The following ATP10B variants were observed in gnomAD, a reference collection of about 807,000 sequenced individuals.
ATP10B encodes ATPase phospholipid transporting 10B (putative).
A neutral mutation model predicts 141.2 loss-of-function variants in ATP10B; 122 were observed. The observed-to-expected ratio is 0.86, with a 90% CI of 0.75 to 1.00. The LOEUF (loss-of-function observed/expected upper bound fraction) is 1.00. ATP10B is among the 50% of genes least tolerant of loss of function. The pLI is 0.00. For missense variants in ATP10B, 1,876 were observed against 1,825.3 expected (o/e 1.03, Z -0.51); for synonymous variants, 685 against 692.0 (o/e 0.99, Z 0.16).
chr5:160,612,866 G>T lies in ATP10B; in HGVS notation c.2713C>A (p.Arg905=), dbSNP rs760610785. The T allele has an allele frequency of 5.0e-6, 8 of 1,613,846 alleles. No individual in the cohort carries two copies. The highest frequency in any genetic ancestry group is 6.8e-6 in the Non-Finnish European group (8 of 1,179,952). ...ACCCAGAGCTGGATCCCAGCCTCCCGCAGAGTGGCAATCGTATCTGGAACT... is the reference window on the plus strand; with the variant it reads ...ACCCAGAGCTGGATCCCAGCCTCCCTCAGAGTGGCAATCGTATCTGGAACT... The part of the protein sequence containing the change: ...EGVPDTIATL[R]EAGIQLWVLT... The change falls in exon 18 of 26, where the codon CGG becomes AGG. Residue 905 remains arginine (R), a synonymous_variant. Transcript: ENST00000327245.
chr5:160,865,992 G>T, the ATP10B span, among the ~76,000 whole-genome samples: 8 of 152,154 alleles, frequency 5.3e-5, no homozygotes, highest in Non-Finnish European at 8.8e-5. Context: ...AACCACTATG[G>T]ATAACAATAT....
chr5:160,902,076 G>T, the ATP10B span, among the ~76,000 whole-genome samples: 8 of 152,138 alleles, frequency 5.3e-5, no homozygotes, highest in South Asian at 1.7e-3. Context: ...TGGAGGAAAG[G>T]TATGAGGTCA....
At chr5:160,740,481 CT>C (rs1413772440) in intron 2 of ATP10B, among the ~76,000 whole-genome samples, 2 of 152,184 alleles carry the variant, frequency 1.3e-5, no homozygotes, top group African/African-American at 4.8e-5. Flanking sequence ...GCTATAACCT[CT>C]GCTTATCGGC....
At chr5:160,801,207 A>G (rs1263905419) in intron 1 of ATP10B, among the ~76,000 whole-genome samples, 1 of 152,168 alleles carries the variant, frequency 6.6e-6, no homozygotes, top group African/African-American at 2.4e-5. Flanking sequence ...CACAAACCCT[A>G]CTGGGGCTAA....
chr5:160,587,236 T>C (rs1463018645), intron 24 of ATP10B, among the ~76,000 whole-genome samples: 2 of 152,200 alleles, frequency 1.3e-5, no homozygotes, highest in Non-Finnish European at 1.5e-5. Flanking sequence ...TGCTAGTTTT[T>C]GTCTGGTTTG....
the ATP10B span, among the ~76,000 whole-genome samples, chr5:160,918,336 G>A: frequency 6.6e-6 from 1 of 152,312 alleles, no homozygotes; most frequent in African/African-American, 2.4e-5. Context: ...CATAAACAGG[G>A]GGCTTGATTG....
At chr5:160,792,592 G>C (rs1771658484) in intron 1 of ATP10B, among the ~76,000 whole-genome samples, 1 of 152,092 alleles carries the variant, frequency 6.6e-6, no homozygotes, top group African/African-American at 2.4e-5. Flanking sequence ...CAGTCACCTT[G>C]GACCCAGAGA....
chr5:160,766,750 A>C (rs6887465), intron 2 of ATP10B, among the ~76,000 whole-genome samples: 3 of 152,040 alleles, frequency 2.0e-5, no homozygotes, highest in Non-Finnish European at 4.4e-5. Context: ...ATAATAATTT[A>C]AAAAAGTTAG....
chr5:160,786,624 GTTGAC>G (rs2127896696), intron 1 of ATP10B, among the ~76,000 whole-genome samples: 1 of 152,202 alleles, frequency 6.6e-6, no homozygotes, highest in East Asian at 1.9e-4. Flanking sequence ...ACAGGAAAGA[GTTGAC>G]ACACTCATTG....
At chr5:160,772,823 TCAGA>T (rs568836173) in intron 2 of ATP10B, among the ~76,000 whole-genome samples, 23 of 152,286 alleles carry the variant, frequency 1.5e-4, no homozygotes, top group Non-Finnish European at 3.2e-4. Context: ...GATGCTTAAC[TCAGA>T]CAGATTCCCA....
At chr5:160,781,675 A>G (rs112427495) in intron 2 of ATP10B, among the ~76,000 whole-genome samples, 109 of 152,314 alleles carry the variant, frequency 7.2e-4, no homozygotes, top group African/African-American at 2.5e-3. Context: ...CTGGCACAAC[A>G]TAACAGAACC....
At chr5:160,902,932 A>G in the ATP10B span, among the ~76,000 whole-genome samples, 1 of 152,230 alleles carries the variant, frequency 6.6e-6, no homozygotes, top group Non-Finnish European at 1.5e-5. Context: ...ACAGAGGATG[A>G]GCCTACCTGT....
At chr5:160,790,755 C>T (rs1293494792) in intron 1 of ATP10B, among the ~76,000 whole-genome samples, 3 of 152,132 alleles carry the variant, frequency 2.0e-5, no homozygotes, top group Non-Finnish European at 4.4e-5. Flanking sequence ...ATGTCCTAAT[C>T]CCCAGACCTG....
At chr5:160,632,815 A>G (rs948135703) in intron 12 of ATP10B, 1 of 153,964 alleles carries the variant, frequency 6.5e-6, no homozygotes, top group Non-Finnish European at 1.4e-5. Flanking sequence ...TGCTTATAAT[A>G]CTCTCTCCAT....
At chr5:160,673,541 T>G (rs115274152) in intron 6 of ATP10B, among the ~76,000 whole-genome samples, 97,177 of 150,896 alleles carry the variant, frequency 0.64, 31,998 homozygotes, top group Middle Eastern at 0.78. Flanking sequence ...TTGTTTTTTT[T>G]TTTTTTTTTT....
the ATP10B span, among the ~76,000 whole-genome samples, chr5:160,883,337 C>A: frequency 6.6e-6 from 1 of 152,136 alleles, no homozygotes; most frequent in African/African-American, 2.4e-5. Flanking sequence ...GCAAAAAAGA[C>A]CTGTGGTGAG....
intron 10 of ATP10B, among the ~76,000 whole-genome samples, chr5:160,639,651 C>T (rs1347209614): frequency 2.6e-5 from 4 of 152,092 alleles, no homozygotes; most frequent in Non-Finnish European, 5.9e-5. Context: ...GACTTTAACG[C>T]AGTGGTCTGC....
At chr5:160,874,153 G>C in the ATP10B span, among the ~76,000 whole-genome samples, 1 of 152,092 alleles carries the variant, frequency 6.6e-6, no homozygotes, top group Non-Finnish European at 1.5e-5. Context: ...GCTTTGAAGA[G>C]AGCAGTGGTT....
intron 22 of ATP10B, among the ~76,000 whole-genome samples, chr5:160,596,223 C>T (rs1756685044): frequency 6.6e-6 from 1 of 152,194 alleles, no homozygotes; most frequent in Admixed American, 6.5e-5. Flanking sequence ...CCCTGGGATG[C>T]AAGGCTGGTT....
Sources: gnomAD v4.1 joint callset for allele counts (sites outside exome capture counted in the v4.1 genomes callset) on GRCh38, gnomAD v4.1.1 for gene constraint, MANE v1.5 for transcripts, NCBI Gene and HGNC (gene_info 2026-07-23, HGNC 2026-07-21) for gene names.